Variants in RCC1L observed in about 807,000 individuals in gnomAD.
The protein encoded by RCC1L is RCC1 like.
RCC1L carries 46 observed loss-of-function variants against 58.6 expected under a neutral mutation model. The observed-to-expected ratio is 0.79, with a 90% CI of 0.62 to 1.00. The LOEUF (loss-of-function observed/expected upper bound fraction) is 1.00, where lower values mean the gene tolerates loss of function less well. Ranked by LOEUF, RCC1L falls within the 50% of genes least tolerant of loss-of-function variation. RCC1L has a pLI of 0.00. For missense variants in RCC1L, 636 were observed against 623.6 expected, an observed-to-expected ratio of 1.02 and a Z score of -0.21; for synonymous variants, 281 against 262.9, an observed-to-expected ratio of 1.07 and a Z score of -0.67.
At chr7:75,036,073 G>A (rs1270238532) in intron 10 of RCC1L, among the ~76,000 whole-genome samples, 1 of 151,576 alleles carries the variant, frequency 6.6e-6, no homozygotes. Flanking sequence ...GAGAACCCCA[G>A]GTTTGAGGGG....
chr7:75,046,274 A>G (rs1243705096), intron 10 of RCC1L, among the ~76,000 whole-genome samples: 2 of 152,236 alleles, frequency 1.3e-5, no homozygotes, highest in African/African-American at 2.4e-5. Flanking sequence ...TCGATGCAGA[A>G]AGCCTGAGAG....
At chr7:75,040,359 C>T (rs1162892903), downstream of RCC1L, among the ~76,000 whole-genome samples, 1 of 152,188 alleles carries the variant, frequency 6.6e-6, no homozygotes, top group Non-Finnish European at 1.5e-5. Context: ...ACTCGGGAGG[C>T]TAAGGCAAGA....
chr7:75,073,765 G>A lies in RCC1L; in HGVS notation c.-28C>T. On this transcript the variant is annotated 5_prime_UTR_variant, in exon 1 of 11. Transcript: ENST00000610322. ...TCCGTTCCGCGCCTCAGCAGCCTCT[G>A]GGCGCCGCCATCTTGCGTGACCCTT... 1 of 1,492,062 alleles carries A rather than the reference G, an allele frequency of 6.7e-7. No homozygotes were observed. The allele number at this position is 1,492,062 out of a possible 1,614,324, so 92.4% of individuals were successfully genotyped here. A position where few individuals can be genotyped will look rare whatever the true frequency, so the allele number is the denominator to read the frequency against.
Position 75,037,010 on chromosome 7 carries a change from G to A in RCC1L, c.1318-8931C>T, listed in dbSNP as rs1437941455. Reference sequence around the variant, plus strand: ...CCTATCCAGTCTGAGGCCCCAAGGAGGGAACTCAAACGGGGCATCCTTCCG... The same window carrying A: ...CCTATCCAGTCTGAGGCCCCAAGGAAGGAACTCAAACGGGGCATCCTTCCG... On this transcript the variant is annotated intron_variant, in intron 10 of 10. Coordinates refer to the RCC1L transcript ENST00000614461. Among the ~76,000 whole-genome samples the A allele has an allele frequency of 1.1e-4, 16 of 152,234 alleles. 1 individual carries two copies. In the South Asian group the frequency reaches 2.7e-3, roughly 26 times the overall value.
rs17148727 is a variant in RCC1L at position 75,029,963 on chromosome 7, A to G, written c.1318-1884T>C. ...GCTTGAGGCCAAGATAGCAAGACCAACCTGGTCAACATAGCAAGACCCTGC... is the reference window on the plus strand; with the variant it reads ...GCTTGAGGCCAAGATAGCAAGACCAGCCTGGTCAACATAGCAAGACCCTGC... On this transcript the variant is annotated intron_variant, in intron 10 of 10. Coordinates refer to the RCC1L transcript ENST00000614461. 3.9e-5 allele frequency among the ~76,000 whole-genome samples: 6 copies of G among 152,038 alleles called. No homozygotes were observed. The South Asian group carries it at 1.2e-3, about 32-fold the overall frequency.
At chr7:75,072,167 T>TATATATATATATATATATATATATAC (rs1806775747) in intron 1 of RCC1L, among the ~76,000 whole-genome samples, 2 of 64,198 alleles carry the variant, frequency 3.1e-5, no homozygotes, top group African/African-American at 1.1e-4. Flanking sequence ...TATACATATA[T>TATATATATATATATATATATATATAC]ATATATATAT....
chr7:75,057,691 C>T (rs1448503499), intron 7 of RCC1L, 75 bp from the exon 8 acceptor site: 2 of 1,370,422 alleles, frequency 1.5e-6, no homozygotes, highest in Non-Finnish European at 2.1e-6. Flanking sequence ...GTCTTAGGTA[C>T]AGAGTAGCTG....
intron 10 of RCC1L, among the ~76,000 whole-genome samples, chr7:75,044,077 C>G (rs1440201360): frequency 6.6e-6 from 1 of 152,182 alleles, no homozygotes; most frequent in African/African-American, 2.4e-5. Flanking sequence ...AGAAGATGGC[C>G]TCACTGAGAC....
In RCC1L at chr7:75,043,021, G is replaced by A. The variant is rs1327771959; in HGVS notation, c.*11C>T. 1.4e-5 allele frequency: 23 copies of A among 1,613,936 alleles called. No homozygotes were observed. The highest frequency in any genetic ancestry group is 1.6e-5 in the Non-Finnish European group (19 of 1,179,886). The stretch of plus-strand genomic sequence containing the variant: ...TCCCGGGACGGGGCCGCCCAAGCAG[G>A]TGAGGGAGGTTTAGATGAATGACTT... On this transcript the variant is annotated 3_prime_UTR_variant, in exon 11 of 11. Coordinates refer to ENST00000610322, the MANE Select transcript of RCC1L (RefSeq NM_030798.5).
At chr7:75,052,817 G>GGGTT in intron 9 of RCC1L, 21 bp from the exon 10 acceptor site, 1 of 1,605,794 alleles carries the variant, frequency 6.2e-7, no homozygotes, top group Non-Finnish European at 8.5e-7. Context: ...AGGAAAACAG[G>GGGTT]GGTTGGTTGG....
At chr7:75,028,996 G>A (rs1805222238) in intron 10 of RCC1L, among the ~76,000 whole-genome samples, 2 of 120,750 alleles carry the variant, frequency 1.7e-5, no homozygotes, top group Non-Finnish European at 3.8e-5. Flanking sequence ...GCCTCCGGAA[G>A]CAGCAGCGTA....
At position 75,036,116 on chromosome 7, in the gene RCC1L, C is replaced by CTTT. The variant is rs33924314; in HGVS notation, c.1318-8040_1318-8038dup. 7.3e-4 allele frequency among the ~76,000 whole-genome samples: 91 copies of CTTT among 125,096 alleles called. 4 individuals are homozygous for CTTT. The highest frequency in any genetic ancestry group is 2.9e-3 in the South Asian group (11 of 3,858). The allele number at this position is 125,096 out of a possible 152,430, so 82.1% of individuals were successfully genotyped here. On this transcript the variant is annotated intron_variant, in intron 10 of 10. Coordinates refer to the RCC1L transcript ENST00000614461. ...TGCTCCAAGGAATCCCAAAGTCACT[C>CTTT]TTTTTTTTTTTTTTTTTTTGAGATG... is the stretch of plus-strand genomic sequence containing the variant.
At position 75,052,711 on chromosome 7, in the gene RCC1L, C is replaced by T; in HGVS notation, c.1317G>A (p.Arg439=). 6.2e-7 allele frequency: 1 copy of T among 1,610,520 alleles called. No homozygotes were observed. The highest frequency in any genetic ancestry group is 8.5e-7 in the Non-Finnish European group (1 of 1,178,662). The change falls in exon 10 of 11, where the codon AGG becomes AGA. Residue 439 remains arginine (R), a splice_region_variant and synonymous_variant. Coordinates refer to ENST00000610322, the MANE Select transcript of RCC1L (RefSeq NM_030798.5). ...TCAAGACCTCCCCGGCCAGCCTTAC[C>T]CTCCATGGGAAATACTGGTCCTCCA... ...GRLEDQYFPW[R]VTMPGEPVDV...
chr7:75,062,592 T>C (rs1479392169), intron 5 of RCC1L, among the ~76,000 whole-genome samples: 1 of 152,146 alleles, frequency 6.6e-6, no homozygotes, highest in Non-Finnish European at 1.5e-5. Context: ...TGTATTTTGC[T>C]CTCCATTTTA....
At position 75,058,578 on chromosome 7, in the gene RCC1L, G is replaced by C; in HGVS notation, c.969+10C>G. 2 of 1,592,958 alleles carry C rather than the reference G, an allele frequency of 1.3e-6. No homozygotes were observed. Among genetic ancestry groups the C allele is most frequent in the Non-Finnish European group, 1.7e-6 (2 of 1,168,582 alleles). ...AACCTCCCAGCACCACGCTGTCGGC[G>C]ACTGCATACCTGTGTGGAGTCAGTG... On this transcript the variant is annotated intron_variant, in intron 7 of 10. Transcript: ENST00000610322.
downstream of RCC1L, among the ~76,000 whole-genome samples, chr7:75,039,921 C>G (rs1458127386): frequency 2.6e-5 from 4 of 152,016 alleles, no homozygotes; most frequent in Non-Finnish European, 5.9e-5. Context: ...ACGTGTGTGT[C>G]AAATGCTGGG....
At chr7:75,066,532 G>A in intron 3 of RCC1L, 132 bp downstream of exon 3, 1 of 1,232,204 alleles carries the variant, frequency 8.1e-7, no homozygotes, top group Non-Finnish European at 1.1e-6. Context: ...CCACTGATCT[G>A]CTCAGGAAAT....
intron 10 of RCC1L, among the ~76,000 whole-genome samples, chr7:75,049,796 T>C (rs1805850292): frequency 6.6e-6 from 1 of 152,118 alleles, no homozygotes; most frequent in African/African-American, 2.4e-5. Context: ...GGAGGATCAC[T>C]TGAACCTGGG....
chr7:75,044,996 T>C (rs959834292), intron 10 of RCC1L, among the ~76,000 whole-genome samples: 29 of 152,188 alleles, frequency 1.9e-4, no homozygotes, highest in African/African-American at 7.0e-4. Context: ...CACTCCAGCC[T>C]GAGCAACAGA....
Sources: gnomAD v4.1 joint callset for allele counts (sites outside exome capture counted in the v4.1 genomes callset) on GRCh38, gnomAD v4.1.1 for gene constraint, MANE v1.5 for transcripts, NCBI Gene and HGNC (gene_info 2026-07-23, HGNC 2026-07-21) for gene names.